The following UNKL variants were observed in gnomAD, a reference collection of about 807,000 sequenced individuals.
The protein encoded by UNKL is putative E3 ubiquitin-protein ligase UNKL.
Under a neutral mutation model 78.0 loss-of-function variants are expected in UNKL, and 60 were observed. The observed-to-expected ratio is 0.77, with a 90% CI of 0.63 to 0.95. The LOEUF is 0.95. UNKL is among the 40% of genes least tolerant of loss of function. The pLI is 0.00. For synonymous variants in UNKL, 608 were observed against 474.8 expected (o/e 1.28, Z -3.65); for missense variants, 1,159 against 1,045.7 (o/e 1.11, Z -1.49).
At chr16:1,401,783 C>T in intron 3 of UNKL, 82 bp from the exon 4 acceptor site, 1 of 1,515,124 alleles carries the variant, frequency 6.6e-7, no homozygotes, top group Non-Finnish European at 8.9e-7. Context: ...GGCACGCTCC[C>T]CTCCCACCAC....
At position 1,370,135 on chromosome 16, in the gene UNKL, G is replaced by A; in HGVS notation, c.1580C>T (p.Pro527Leu). 1 of 1,526,798 alleles carries A rather than the reference G, an allele frequency of 6.5e-7. No homozygotes were observed. Among genetic ancestry groups the A allele is most frequent in the Non-Finnish European group, 8.8e-7 (1 of 1,133,022 alleles). 94.6% of individuals were successfully genotyped at this position (1,526,798 alleles called of 1,614,324 possible). ...TLGSAASSYSPLGLNGVPGSI... is the reference protein window; with the variant it reads ...TLGSAASSYSLLGLNGVPGSI... ...TGGAGGGAGCCGGCACTCACCTAGGGGGCTGTAGGATGAGGCTGCAGAGCC... is the reference window on the plus strand; with the variant it reads ...TGGAGGGAGCCGGCACTCACCTAGGAGGCTGTAGGATGAGGCTGCAGAGCC... Residue 527 changes from proline to leucine, a missense_variant, in exon 12 of 15, where the codon CCC becomes CTC. Transcript: ENST00000389221.
chr16:1,394,912 C>G (rs1231973521), intron 6 of UNKL, among the ~76,000 whole-genome samples: 1 of 152,232 alleles, frequency 6.6e-6, no homozygotes, highest in African/African-American at 2.4e-5. Flanking sequence ...GAGTCTCGCT[C>G]TGTCACCCAG....
In UNKL at chr16:1,397,399, G is replaced by A; in HGVS notation, c.735-104C>T. 3.7e-6 allele frequency: 3 copies of A among 810,956 alleles called. No individual in the cohort carries two copies. The South Asian group carries it at 8.2e-5, about 22-fold the overall frequency. 50.2% of individuals were successfully genotyped at this position (810,956 alleles called of 1,614,324 possible). Reference sequence around the variant, plus strand: ...GGCGTGGACCTGGGGATGAGGAGGTGTCAGGAGGACACAGAGGACTTGGCT... The same window carrying A: ...GGCGTGGACCTGGGGATGAGGAGGTATCAGGAGGACACAGAGGACTTGGCT... On this transcript the variant is annotated intron_variant, in intron 5 of 14. Transcript: ENST00000389221.
At chr16:1,370,940 G>A (rs779809337) in intron 11 of UNKL, among the ~76,000 whole-genome samples, 2 of 152,018 alleles carry the variant, frequency 1.3e-5, no homozygotes, top group Non-Finnish European at 1.5e-5. Context: ...AAAATTAGCT[G>A]GGCGTGGTGG....
intron 4 of UNKL, among the ~76,000 whole-genome samples, chr16:1,400,196 G>A (rs912265362): frequency 6.6e-6 from 1 of 151,956 alleles, no homozygotes; most frequent in Non-Finnish European, 1.5e-5. Flanking sequence ...CGAGGTGGGT[G>A]GATCACAAGG....
rs2142220450 is a variant in UNKL at position 1,403,319 on chromosome 16, C to CCGT, written c.310_312dup (p.Thr104dup). ...AGGTGGTACTTGCGTTCTGTGTCCCCCGTCGTCCGGTGCAGGTAGGGACAC... is the reference window on the plus strand; with the variant it reads ...AGGTGGTACTTGCGTTCTGTGTCCCCCGTCGTCGTCCGGTGCAGGTAGGGACAC... On this transcript the variant is annotated inframe_insertion, in exon 3 of 15. Coordinates refer to ENST00000389221, the MANE Select transcript of UNKL (RefSeq NM_001372107.1). The surrounding 1 kb of genome is among the most constrained non-coding windows in gnomAD (Gnocchi z 4.8). 6.2e-7 allele frequency: 1 copy of CCGT among 1,614,188 alleles called. No homozygotes were observed. The highest frequency in any genetic ancestry group is 8.5e-7 in the Non-Finnish European group (1 of 1,180,032).
chr16:1,385,280 T>C lies in UNKL; in HGVS notation c.1192A>G (p.Thr398Ala), dbSNP rs2142091208. The change falls in exon 10 of 15, where the codon ACT becomes GCT. Residue 398 changes from threonine to alanine, a missense_variant. Physicochemically the swap from Thr to Ala is moderately conservative, Grantham distance 58. Transcript: ENST00000389221. ...SSAGSGSSSPTALPAPPARAL... is the reference protein window; with the variant it reads ...SSAGSGSSSPAALPAPPARAL... ...CGGGCGGGGGGCGCGGGCAGCGCAG[T>C]GGGGGAGGAGCTGCCGGAGCCGGCG... The C allele has an allele frequency of 1.5e-6, 2 of 1,360,942 alleles. No homozygotes were observed. Among genetic ancestry groups the C allele is most frequent in the Non-Finnish European group, 1.9e-6 (2 of 1,062,272 alleles). 84.3% of individuals were successfully genotyped at this position (1,360,942 alleles called of 1,614,324 possible). A position where few individuals can be genotyped will look rare whatever the true frequency, so the allele number is the denominator to read the frequency against.
chr16:1,385,526 G>A (rs1016707215), intron 9 of UNKL, 141 bp from the exon 10 acceptor site: 25 of 852,126 alleles, frequency 2.9e-5, no homozygotes, highest in Non-Finnish European at 3.5e-5. Flanking sequence ...TCCCAGACCC[G>A]GAGGGACTCT....
rs1412157195 is a variant in UNKL at position 1,387,532 on chromosome 16, G to A, written c.1087-2147C>T. Among the ~76,000 whole-genome samples the A allele has an allele frequency of 1.3e-5, 2 of 152,142 alleles. No homozygotes were observed. The highest frequency in any genetic ancestry group is 1.9e-4 in the East Asian group (1 of 5,186). ...TCCTTGTACCCCGATGGCTTGGATCGGGGAGGGAGCCGACCTTCTCTACCA... is the reference window on the plus strand; with the variant it reads ...TCCTTGTACCCCGATGGCTTGGATCAGGGAGGGAGCCGACCTTCTCTACCA... On this transcript the variant is annotated intron_variant, in intron 9 of 14. Transcript: ENST00000389221. The surrounding 1 kb of genome is among the most constrained non-coding windows in gnomAD (Gnocchi z 4.1).
intron 2 of UNKL, among the ~76,000 whole-genome samples, chr16:1,413,540 C>T (rs535498681): frequency 6.6e-6 from 1 of 152,274 alleles, no homozygotes; most frequent in African/African-American, 2.4e-5. Context: ...TGCACTCCAG[C>T]CAGAGCAACA....
intron 4 of UNKL, 49 bp downstream of exon 4, chr16:1,401,519 C>G: frequency 2.0e-6 from 3 of 1,465,654 alleles, no homozygotes; most frequent in Non-Finnish European, 1.8e-6. Flanking sequence ...TGTTCTCGCG[C>G]TGTGCCCGCC....
intron 10 of UNKL, among the ~76,000 whole-genome samples, chr16:1,382,394 C>A (rs538762555): frequency 6.3e-4 from 96 of 152,356 alleles, no homozygotes; most frequent in African/African-American, 2.1e-3. Context: ...CTGGGCAGGG[C>A]AGCCCCATAC....
chr16:1,363,410 C>T lies in UNKL; in HGVS notation c.*2830G>A, dbSNP rs1185170973. On this transcript the variant is annotated 3_prime_UTR_variant, in exon 15 of 15. Transcript: ENST00000389221. ...ATTCTCATGTAAATACTCAAACATA[C>T]AGATTGAGGCTTCCAGAAATTAATC... is the stretch of plus-strand genomic sequence containing the variant. The T allele has an allele frequency of 2.1e-5, 8 of 374,062 alleles. No individual in the cohort carries two copies. Among genetic ancestry groups the T allele is most frequent in the Non-Finnish European group, 4.1e-5 (8 of 195,544 alleles). 23.2% of individuals were successfully genotyped at this position (374,062 alleles called of 1,614,324 possible). A position where few individuals can be genotyped will look rare whatever the true frequency, so the allele number is the denominator to read the frequency against.
At chr16:1,393,407 C>A (rs995766608) in intron 7 of UNKL, among the ~76,000 whole-genome samples, 8 of 150,516 alleles carry the variant, frequency 5.3e-5, no homozygotes, top group Non-Finnish European at 8.8e-5. Flanking sequence ...CCCACTGAGT[C>A]CAAACCCCAG....
chr16:1,372,190 A>G (rs7188282), intron 10 of UNKL, among the ~76,000 whole-genome samples: 139,620 of 152,128 alleles, frequency 0.92, 64,124 homozygotes, highest in East Asian at 1. Flanking sequence ...TGTGAACCCC[A>G]GAGGCGGAGC....
At position 1,366,304 on chromosome 16, in the gene UNKL, CAGAGG is replaced by C. The variant is rs747588718; in HGVS notation, c.2133_2137del (p.Ile711MetfsTer2). On this transcript the variant is annotated frameshift_variant, in exon 15 of 15. Coordinates refer to ENST00000389221, the MANE Select transcript of UNKL (RefSeq NM_001372107.1). LOFTEE classifies it high-confidence loss of function. ...AGGTGCGGTGGCCGCACACGGCTCACAGAGGATGTGGTGCTGACAGGGCCGCAGGA... is the reference window on the plus strand; with the variant it reads ...AGGTGCGGTGGCCGCACACGGCTCACATGTGGTGCTGACAGGGCCGCAGGA... 41 of 1,601,482 alleles carry C rather than the reference CAGAGG, an allele frequency of 2.6e-5. 1 individual carries two copies. Among genetic ancestry groups the C allele is most frequent in the Non-Finnish European group, 3.4e-6 (4 of 1,175,460 alleles).
At chr16:1,410,316 A>G (rs148723472) in intron 2 of UNKL, among the ~76,000 whole-genome samples, 30 of 150,200 alleles carry the variant, frequency 2.0e-4, no homozygotes, top group African/African-American at 6.9e-4. Context: ...ATGCATTAAA[A>G]GCATCACCTG....
intron 8 of UNKL, among the ~76,000 whole-genome samples, chr16:1,392,438 C>G (rs180892841): frequency 3.3e-5 from 5 of 151,990 alleles, no homozygotes; most frequent in South Asian, 2.1e-4. Flanking sequence ...CCTCTTCCCC[C>G]CTCTTTTTTT....
intron 6 of UNKL, among the ~76,000 whole-genome samples, chr16:1,396,166 C>T (rs1401242965): frequency 1.3e-5 from 2 of 150,528 alleles, no homozygotes; most frequent in Non-Finnish European, 1.5e-5. Flanking sequence ...GGTTTCGAAC[C>T]CCTGACCTCA....
Sources: gnomAD v4.1 joint callset for allele counts (sites outside exome capture counted in the v4.1 genomes callset) on GRCh38, gnomAD v4.1.1 for gene constraint, Gnocchi (gnomAD v3.1) non-coding constraint, MANE v1.5 for transcripts, NCBI Gene and HGNC (gene_info 2026-07-23, HGNC 2026-07-21) for gene names.